Variants in C12orf42 observed in about 807,000 individuals in gnomAD.
C12orf42 encodes the protein chromosome 12 open reading frame 42, also known as uncharacterized protein C12orf42.
In C12orf42, 25 loss-of-function variants were observed where a neutral mutation model predicts 21.6. The observed-to-expected ratio is 1.16, with a 90% CI of 0.84 to 1.62. The LOEUF is 1.62. Ranked by LOEUF, C12orf42 falls within the 40% of genes most tolerant of loss-of-function variation. C12orf42 has a pLI of 0.00. For missense variants in C12orf42, 483 were observed against 459.3 expected (o/e 1.05, Z -0.47); for synonymous variants, 174 against 175.0 (o/e 0.99, Z 0.05).
downstream of C12orf42, among the ~76,000 whole-genome samples, chr12:103,235,674 G>T (rs764341080): frequency 6.6e-6 from 1 of 152,124 alleles, no homozygotes; most frequent in Non-Finnish European, 1.5e-5. Flanking sequence ...AACACTTCGT[G>T]TCTGATAGTG....
At chr12:103,338,063 C>G (rs1271436749) in intron 4 of C12orf42, among the ~76,000 whole-genome samples, 1 of 152,174 alleles carries the variant, frequency 6.6e-6, no homozygotes, top group African/African-American at 2.4e-5. Flanking sequence ...TTCTGCTTTC[C>G]CTTTACCACC....
At chr12:103,435,749 T>C (rs1460343332) in intron 2 of C12orf42, among the ~76,000 whole-genome samples, 3 of 151,972 alleles carry the variant, frequency 2.0e-5, no homozygotes, top group Admixed American at 1.3e-4. Flanking sequence ...TATGGGACTA[T>C]GTGAAAAGAC....
chr12:103,388,431 G>GT (rs933786335), intron 3 of C12orf42, among the ~76,000 whole-genome samples: 2 of 152,096 alleles, frequency 1.3e-5, no homozygotes, highest in African/African-American at 4.8e-5. Context: ...CTGTTAAGCT[G>GT]TGGGGAAACT....
chr12:103,356,916 G>A (rs1423275912), intron 4 of C12orf42, among the ~76,000 whole-genome samples: 2 of 151,744 alleles, frequency 1.3e-5, no homozygotes, highest in African/African-American at 4.8e-5. Flanking sequence ...TTGTAGAGTG[G>A]CACATATACA....
At chr12:103,486,223 G>GAGATAATC (rs1179149480) in intron 1 of C12orf42, among the ~76,000 whole-genome samples, 1 of 152,162 alleles carries the variant, frequency 6.6e-6, no homozygotes, top group Admixed American at 6.5e-5. Flanking sequence ...TACATCTATT[G>GAGATAATC]AGATAATCAT....
At chr12:103,352,442 T>C (rs1158214906) in intron 4 of C12orf42, among the ~76,000 whole-genome samples, 2 of 152,104 alleles carry the variant, frequency 1.3e-5, no homozygotes, top group Non-Finnish European at 2.9e-5. Context: ...AGACTTTGCT[T>C]TTCTCCCATT....
chr12:103,261,852 C>T (rs1186038233), intron 10 of C12orf42, among the ~76,000 whole-genome samples: 1 of 151,952 alleles, frequency 6.6e-6, no homozygotes, highest in East Asian at 1.9e-4. Context: ...TACTATTCAA[C>T]ACATTAATTT....
At chr12:103,147,263 T>A in the C12orf42 span, among the ~76,000 whole-genome samples, 7 of 152,238 alleles carry the variant, frequency 4.6e-5, no homozygotes, top group South Asian at 1.4e-3. Flanking sequence ...AACAACCTAG[T>A]TTTTTCCCCT....
chr12:103,556,638 T>C, the C12orf42 span, among the ~76,000 whole-genome samples: 1 of 152,212 alleles, frequency 6.6e-6, no homozygotes, highest in African/African-American at 2.4e-5. Flanking sequence ...TAGATGAGTA[T>C]TCTTGTCAGA....
At chr12:103,180,169 G>A in the C12orf42 span, among the ~76,000 whole-genome samples, 1 of 151,958 alleles carries the variant, frequency 6.6e-6, no homozygotes, top group Non-Finnish European at 1.5e-5. Flanking sequence ...TACTTTTGGT[G>A]GGAGGAGTCA....
At chr12:103,511,653 G>C in the C12orf42 span, among the ~76,000 whole-genome samples, 1 of 152,120 alleles carries the variant, frequency 6.6e-6, no homozygotes, top group Non-Finnish European at 1.5e-5. Flanking sequence ...CCTCTGGCTT[G>C]TTAGTGCATC....
chr12:103,072,238 A>AT, the C12orf42 span, among the ~76,000 whole-genome samples: 2 of 152,104 alleles, frequency 1.3e-5, no homozygotes, highest in African/African-American at 4.8e-5. Context: ...ATTCTTAACT[A>AT]TTTTTTAAAA....
the C12orf42 span, among the ~76,000 whole-genome samples, chr12:103,206,829 CT>C: frequency 6.6e-6 from 1 of 152,282 alleles, no homozygotes; most frequent in East Asian, 1.9e-4. Flanking sequence ...ATATGATGGT[CT>C]TGGAACGTTC....
chr12:103,351,358 C>T (rs753558894), intron 4 of C12orf42, among the ~76,000 whole-genome samples: 5 of 152,088 alleles, frequency 3.3e-5, no homozygotes, highest in South Asian at 2.1e-4. Context: ...TTTCCCTTTT[C>T]GGTCTGTAAA....
chr12:103,170,828 A>T, the C12orf42 span, among the ~76,000 whole-genome samples: 1 of 152,152 alleles, frequency 6.6e-6, no homozygotes, highest in Non-Finnish European at 1.5e-5. Context: ...TCTTAAAATA[A>T]CTGACAATGT....
chr12:103,463,624 T>A (rs1952891297), intron 2 of C12orf42, among the ~76,000 whole-genome samples: 1 of 152,166 alleles, frequency 6.6e-6, no homozygotes. Context: ...AGGATACATG[T>A]GCAGGACATG....
At chr12:103,070,744 G>T in the C12orf42 span, among the ~76,000 whole-genome samples, 1 of 152,086 alleles carries the variant, frequency 6.6e-6, no homozygotes, top group East Asian at 1.9e-4. Flanking sequence ...GGTCAAGGAA[G>T]GTAGTGACTT....
At chr12:103,470,032 G>T (rs138761849) in intron 2 of C12orf42, among the ~76,000 whole-genome samples, 1 of 152,180 alleles carries the variant, frequency 6.6e-6, no homozygotes, top group Admixed American at 6.5e-5. Context: ...TACTGAAGGC[G>T]AAATTGTTTG....
chr12:103,114,412 A>T, the C12orf42 span, among the ~76,000 whole-genome samples: 2 of 152,130 alleles, frequency 1.3e-5, no homozygotes, highest in Non-Finnish European at 2.9e-5. Flanking sequence ...CTGGAGCAGT[A>T]ACGGCATCAA....
Sources: gnomAD v4.1 joint callset for allele counts (sites outside exome capture counted in the v4.1 genomes callset) on GRCh38, gnomAD v4.1.1 for gene constraint, MANE v1.5 for transcripts, NCBI Gene and HGNC (gene_info 2026-07-23, HGNC 2026-07-21) for gene names.